SCAMP1: variants seen among roughly 807,000 people sequenced by gnomAD.
SCAMP1 encodes secretory carrier-associated membrane protein 1.
In SCAMP1, 15 loss-of-function variants were observed where a neutral mutation model predicts 41.8. The ratio of observed to expected loss-of-function variants is 0.36; its 90% CI spans 0.24 to 0.55. The LOEUF is 0.55. Among genes scored for constraint, SCAMP1 ranks in the 20% least tolerant of loss-of-function variants. The pLI, the probability that SCAMP1 is intolerant of heterozygous loss-of-function variation, is 0.86. For synonymous variants in SCAMP1, 135 were observed against 136.8 expected (o/e 0.99, Z 0.09); for missense variants, 341 against 412.6 (o/e 0.83, Z 1.50).
chr5:78,372,880 C>T (rs897954192), intron 1 of SCAMP1, among the ~76,000 whole-genome samples: 2 of 151,794 alleles, frequency 1.3e-5, no homozygotes, highest in Non-Finnish European at 2.9e-5. Flanking sequence ...AAAAGATAAT[C>T]TTGCATTATT....
intron 1 of SCAMP1, among the ~76,000 whole-genome samples, chr5:78,388,250 C>CCTA (rs1383890671): frequency 6.6e-6 from 1 of 152,048 alleles, no homozygotes; most frequent in African/African-American, 2.4e-5. Context: ...TTCATGAAAG[C>CCTA]CTACTATTAA....
At chr5:78,404,952 G>A (rs1348579616) in intron 2 of SCAMP1, among the ~76,000 whole-genome samples, 2 of 152,202 alleles carry the variant, frequency 1.3e-5, no homozygotes, top group Non-Finnish European at 2.9e-5. Flanking sequence ...TCTATGCTGA[G>A]CCTCCAACAA....
chr5:78,412,480 G>A (rs1416550885), intron 2 of SCAMP1, among the ~76,000 whole-genome samples: 2 of 151,818 alleles, frequency 1.3e-5, no homozygotes, highest in Admixed American at 6.6e-5. Context: ...TCTCCCAACA[G>A]CATTTGCTGA....
intron 8 of SCAMP1, among the ~76,000 whole-genome samples, chr5:78,460,861 C>T (rs1753593094): frequency 7.0e-6 from 1 of 143,250 alleles, no homozygotes. Context: ...TTCTGTCTTC[C>T]TGTCTCTTTT....
intron 8 of SCAMP1, 74 bp from the exon 9 acceptor site, chr5:78,475,430 T>C: frequency 2.7e-6 from 3 of 1,111,784 alleles, no homozygotes; most frequent in Non-Finnish European, 3.7e-6. Flanking sequence ...TTGATTAATG[T>C]TGAGATTAAG....
At position 78,398,355 on chromosome 5, in the gene SCAMP1, C is replaced by CTTTTTTTTTTTT. The variant is rs1197381285; in HGVS notation, c.135+9457_135+9468dup. ...CTATAGTTTATCCTAGGGTTCACCT[C>CTTTTTTTTTTTT]TTTTTTTTTTTTTTTTTTTTTTTTT... On this transcript the variant is annotated intron_variant, in intron 2 of 8. Transcript: ENST00000621999. 1.0e-4 allele frequency among the ~76,000 whole-genome samples: 6 copies of CTTTTTTTTTTTT among 57,464 alleles called. 1 individual carries two copies. The highest frequency in any genetic ancestry group is 4.5e-4 in the African/African-American group (6 of 13,376). The allele number at this position is 57,464 out of a possible 152,430, so 37.7% of individuals were successfully genotyped here.
chr5:78,435,239 T>A lies in SCAMP1; in HGVS notation c.632+13279T>A, dbSNP rs186742699. Among the ~76,000 whole-genome samples the A allele has an allele frequency of 1.8e-3, 275 of 152,342 alleles. 3 individuals carry two copies. Among genetic ancestry groups the A allele is most frequent in the East Asian group, 0.014 (71 of 5,190 alleles). On this transcript the variant is annotated intron_variant, in intron 6 of 8. Coordinates refer to ENST00000621999, the MANE Select transcript of SCAMP1 (RefSeq NM_004866.6). ...ATGACCTACAATATGAAGGTTTTTT[T>A]TAATTTTTTATTATACTTTAAGTTC... is the stretch of plus-strand genomic sequence containing the variant.
chr5:78,388,846 G>A lies in SCAMP1; in HGVS notation c.67G>A (p.Val23Ile). 11 of 1,529,186 alleles carry A rather than the reference G, an allele frequency of 7.2e-6. No individual in the cohort carries two copies. Among genetic ancestry groups the A allele is most frequent in the Non-Finnish European group, 9.9e-6 (11 of 1,110,110 alleles). The allele number at this position is 1,529,186 out of a possible 1,614,324, so 94.7% of individuals were successfully genotyped here. The change falls in exon 2 of 9, where the codon GTT becomes ATT. Residue 23 changes from valine (V) to isoleucine (I), a missense_variant. Transcript: ENST00000621999. Reference protein sequence around the residue: ...DLNNPFKDPSVTQVTRNVPPG... With the variant: ...DLNNPFKDPSITQVTRNVPPG... ...TTGAATTTTATTCTAGGATCCATCA[G>A]TTACACAAGTGACAAGAAATGTTCC... is the stretch of plus-strand genomic sequence containing the variant.
At chr5:78,465,889 A>G (rs993537564) in intron 8 of SCAMP1, among the ~76,000 whole-genome samples, 1 of 152,198 alleles carries the variant, frequency 6.6e-6, no homozygotes, top group African/African-American at 2.4e-5. Flanking sequence ...AGGCCTTTCA[A>G]CAGATTGGAT....
rs147983335 is a variant in SCAMP1, at chr5:78,394,177, G to A, written c.135+5263G>A. 5.4e-3 allele frequency among the ~76,000 whole-genome samples: 828 copies of A among 152,164 alleles called. 11 individuals carry two copies. The highest frequency in any genetic ancestry group is 0.019 in the African/African-American group (787 of 41,506). Reference sequence around the variant, plus strand: ...CAGATGGTCATCTCTGACCATAAAGGGACATGGATAATTGGTTTATGTAAG... The same window carrying A: ...CAGATGGTCATCTCTGACCATAAAGAGACATGGATAATTGGTTTATGTAAG... On this transcript the variant is annotated intron_variant, in intron 2 of 8. Coordinates refer to ENST00000621999, the MANE Select transcript of SCAMP1 (RefSeq NM_004866.6).
At position 78,391,972 on chromosome 5, in the gene SCAMP1, G is replaced by A. The variant is rs566496864; in HGVS notation, c.135+3058G>A. On this transcript the variant is annotated intron_variant, in intron 2 of 8. Coordinates refer to ENST00000621999, the MANE Select transcript of SCAMP1 (RefSeq NM_004866.6). ...GATGGCAGCAGTACAGTCCAGCTTC[G>A]GCTTGGCATCAGAGGGAGACCGTGG... Among the ~76,000 whole-genome samples the A allele has an allele frequency of 1.7e-3, 259 of 152,050 alleles. 1 individual carries two copies. The highest frequency in any genetic ancestry group is 2.8e-3 in the Non-Finnish European group (187 of 67,976).
chr5:78,384,494 G>T (rs1263457290), intron 1 of SCAMP1, among the ~76,000 whole-genome samples: 1 of 152,014 alleles, frequency 6.6e-6, no homozygotes, highest in African/African-American at 2.4e-5. Flanking sequence ...GTACGGTGTA[G>T]AATAGAAGTG....
intron 6 of SCAMP1, among the ~76,000 whole-genome samples, chr5:78,437,698 G>C (rs978476770): frequency 1.3e-5 from 2 of 152,198 alleles, no homozygotes; most frequent in African/African-American, 4.8e-5. Flanking sequence ...ATCTCTGCCA[G>C]GCTTTGGTGT....
At chr5:78,415,156 A>G (rs1257574021) in intron 2 of SCAMP1, among the ~76,000 whole-genome samples, 3 of 151,786 alleles carry the variant, frequency 2.0e-5, no homozygotes, top group Non-Finnish European at 4.4e-5. Flanking sequence ...GTTTCACCAT[A>G]TTGGCCAGGC....
Position 78,433,455 on chromosome 5 carries a change from G to C in SCAMP1, c.632+11495G>C, listed in dbSNP as rs542660546. ...TGGACATGGCTTTTCTGTTGTGCTA[G>C]GCTTTTAGTGTATGGATGGTGTGCT... On this transcript the variant is annotated intron_variant, in intron 6 of 8. Transcript: ENST00000621999. Among the ~76,000 whole-genome samples the C allele has an allele frequency of 3.4e-3, 522 of 152,270 alleles. 6 individuals are homozygous for C. The highest frequency in any genetic ancestry group is 0.012 in the African/African-American group (505 of 41,554).
intron 7 of SCAMP1, among the ~76,000 whole-genome samples, chr5:78,452,023 G>T (rs933646022): frequency 1.3e-5 from 2 of 152,194 alleles, no homozygotes; most frequent in African/African-American, 2.4e-5. Context: ...TTCACCAGTT[G>T]AAGGGCATCA....
intron 8 of SCAMP1, among the ~76,000 whole-genome samples, chr5:78,475,261 C>G (rs1008901435): frequency 1.3e-5 from 2 of 151,938 alleles, no homozygotes; most frequent in African/African-American, 4.8e-5. Context: ...CTAAGAAGTT[C>G]TTTATTTTTG....
At chr5:78,440,773 C>T (rs1029792254) in intron 6 of SCAMP1, among the ~76,000 whole-genome samples, 5 of 152,224 alleles carry the variant, frequency 3.3e-5, no homozygotes, top group Non-Finnish European at 7.3e-5. Context: ...GAAGTTTCTG[C>T]TGCCTTTTGT....
chr5:78,386,268 A>T lies in SCAMP1; in HGVS notation c.58-2569A>T, dbSNP rs558222655. On this transcript the variant is annotated intron_variant, in intron 1 of 8. Transcript: ENST00000621999. ...AGTTTGTTTTGTCTGATATAAAAAT[A>T]ACTACTCTTGCTTGCTTTTGGTGTC... is the stretch of plus-strand genomic sequence containing the variant. Among the ~76,000 whole-genome samples the T allele has an allele frequency of 2.6e-5, 4 of 152,290 alleles. No homozygotes were observed. The East Asian group carries it at 7.7e-4, about 29-fold the overall frequency.
Sources: gnomAD v4.1 joint callset for allele counts (sites outside exome capture counted in the v4.1 genomes callset) on GRCh38, gnomAD v4.1.1 for gene constraint, MANE v1.5 for transcripts, NCBI Gene and HGNC (gene_info 2026-07-23, HGNC 2026-07-21) for gene names.